The following RPS6KC1 variants were observed in gnomAD, a reference collection of about 807,000 sequenced individuals.
RPS6KC1 encodes inactive ribosomal protein S6 kinase delta-1.
RPS6KC1 carries 54 observed loss-of-function variants against 103.8 expected under a neutral mutation model. The observed-to-expected ratio is 0.52, with a 90% CI of 0.42 to 0.65. The LOEUF is 0.65. Ranked by LOEUF, RPS6KC1 falls within the 30% of genes least tolerant of loss-of-function variation. RPS6KC1 has a pLI of 0.00. For synonymous variants in RPS6KC1, 439 were observed against 438.7 expected, an observed-to-expected ratio of 1.00 and a Z score of -0.01; for missense variants, 1,151 against 1,253.8, an observed-to-expected ratio of 0.92 and a Z score of 1.24.
the RPS6KC1 span, among the ~76,000 whole-genome samples, chr1:213,449,053 C>T: frequency 1.3e-5 from 2 of 152,186 alleles, no homozygotes; most frequent in Admixed American, 6.5e-5. Flanking sequence ...CACCTTCTCT[C>T]TCTGTGAGGC....
chr1:213,730,324 T>C, the RPS6KC1 span, among the ~76,000 whole-genome samples: 2 of 152,210 alleles, frequency 1.3e-5, no homozygotes, highest in African/African-American at 4.8e-5. Flanking sequence ...TAGTTCTTTG[T>C]TTAGGACTTT....
At chr1:213,293,709 G>C in the RPS6KC1 span, among the ~76,000 whole-genome samples, 2 of 152,016 alleles carry the variant, frequency 1.3e-5, no homozygotes, top group Non-Finnish European at 2.9e-5. Context: ...CTGTACCCCA[G>C]GTGACTCAAG....
At chr1:213,382,533 CT>C in the RPS6KC1 span, among the ~76,000 whole-genome samples, 5,970 of 134,262 alleles carry the variant, frequency 0.044, 120 homozygotes, top group African/African-American at 0.054. Context: ...TTCACTCCAT[CT>C]TTTTTTTTTT....
chr1:213,409,271 A>G, the RPS6KC1 span, among the ~76,000 whole-genome samples: 4 of 152,160 alleles, frequency 2.6e-5, no homozygotes, highest in East Asian at 1.9e-4. Flanking sequence ...CAAAACCGCA[A>G]TTACTTTTGC....
At chr1:213,246,001 T>C (rs1222228990) in intron 12 of RPS6KC1, among the ~76,000 whole-genome samples, 1 of 152,158 alleles carries the variant, frequency 6.6e-6, no homozygotes, top group East Asian at 1.9e-4. Context: ...TGCCACTTTT[T>C]TATATTAAAG....
At chr1:213,171,037 ATTAT>A (rs1466864131) in intron 7 of RPS6KC1, among the ~76,000 whole-genome samples, 1 of 152,162 alleles carries the variant, frequency 6.6e-6, no homozygotes, top group East Asian at 1.9e-4. Flanking sequence ...ATTTTTGTTA[ATTAT>A]TGTTTTCTCC....
At chr1:213,590,875 A>G in the RPS6KC1 span, among the ~76,000 whole-genome samples, 498 of 152,172 alleles carry the variant, frequency 3.3e-3, 1 homozygote, top group Non-Finnish European at 4.5e-3. Context: ...TTCTTTATAT[A>G]TCTCCTGGCA....
the RPS6KC1 span, among the ~76,000 whole-genome samples, chr1:213,741,013 T>TACACATATATATATCTCAGATATATAC: frequency 6.7e-6 from 1 of 148,760 alleles, no homozygotes; most frequent in Non-Finnish European, 1.5e-5. Flanking sequence ...CAGATATATA[T>TACACATATATATATCTCAGATATATAC]ACACACACAT....
At chr1:213,847,954 G>A in the RPS6KC1 span, among the ~76,000 whole-genome samples, 12 of 151,674 alleles carry the variant, frequency 7.9e-5, no homozygotes, top group East Asian at 1.9e-4. Context: ...GATTCTCTCT[G>A]TTTCTCTCAT....
At chr1:213,831,023 G>T in the RPS6KC1 span, among the ~76,000 whole-genome samples, 1 of 152,154 alleles carries the variant, frequency 6.6e-6, no homozygotes, top group East Asian at 1.9e-4. Context: ...CTTCACTAAA[G>T]TTCCTGCATG....
the RPS6KC1 span, among the ~76,000 whole-genome samples, chr1:213,615,965 T>C: frequency 1.2e-4 from 18 of 152,196 alleles, no homozygotes; most frequent in African/African-American, 4.1e-4. Flanking sequence ...GGCCAGCCAG[T>C]TGACTAACTT....
the RPS6KC1 span, among the ~76,000 whole-genome samples, chr1:213,431,715 A>G: frequency 2.0e-5 from 3 of 151,722 alleles, no homozygotes; most frequent in East Asian, 5.8e-4. Context: ...TTACTGGTAG[A>G]CATTTGAGTT....
At chr1:213,748,278 T>A in the RPS6KC1 span, among the ~76,000 whole-genome samples, 2 of 152,174 alleles carry the variant, frequency 1.3e-5, no homozygotes, top group Non-Finnish European at 2.9e-5. Flanking sequence ...ATTTCTAGGG[T>A]CTCTTTCCTC....
chr1:213,638,432 A>G, the RPS6KC1 span, among the ~76,000 whole-genome samples: 1 of 152,120 alleles, frequency 6.6e-6, no homozygotes, highest in African/African-American at 2.4e-5. Flanking sequence ...AGGTCTTCAC[A>G]TAATTCAGGT....
chr1:213,210,581 C>T (rs1051193966), intron 8 of RPS6KC1, among the ~76,000 whole-genome samples: 1 of 152,122 alleles, frequency 6.6e-6, no homozygotes, highest in African/African-American at 2.4e-5. Flanking sequence ...GAGTATTGTG[C>T]CTTTGTGTTT....
chr1:213,685,050 C>A, the RPS6KC1 span, among the ~76,000 whole-genome samples: 5 of 152,126 alleles, frequency 3.3e-5, no homozygotes, highest in Non-Finnish European at 1.5e-5. Context: ...TTTGGAAATT[C>A]TCCTTTTATT....
At chr1:213,569,809 G>A in the RPS6KC1 span, among the ~76,000 whole-genome samples, 2 of 152,092 alleles carry the variant, frequency 1.3e-5, no homozygotes, top group South Asian at 2.1e-4. Flanking sequence ...CAACAAACAG[G>A]TATTGAGAAA....
At chr1:213,305,765 T>C in the RPS6KC1 span, among the ~76,000 whole-genome samples, 1 of 152,218 alleles carries the variant, frequency 6.6e-6, no homozygotes, top group Non-Finnish European at 1.5e-5. Context: ...AGTTTCTCTG[T>C]CCATGTTTTC....
At chr1:213,832,397 C>G in the RPS6KC1 span, 2 of 152,170 alleles carry the variant, frequency 1.3e-5, no homozygotes, top group Non-Finnish European at 2.9e-5. Flanking sequence ...CCAAATTTAA[C>G]CACATTCATA....
Sources: gnomAD v4.1 joint callset for allele counts (sites outside exome capture counted in the v4.1 genomes callset) on GRCh38, gnomAD v4.1.1 for gene constraint, MANE v1.5 for transcripts, NCBI Gene and HGNC (gene_info 2026-07-23, HGNC 2026-07-21) for gene names.